The following KCNMB2 variants were observed in gnomAD, a reference collection of about 807,000 sequenced individuals.
The protein encoded by KCNMB2 is potassium calcium-activated channel subfamily M regulatory beta subunit 2.
KCNMB2 carries 9 observed loss-of-function variants against 24.5 expected under a neutral mutation model. That is an observed-to-expected ratio of 0.37 (90% CI 0.22 to 0.64). The LOEUF (loss-of-function observed/expected upper bound fraction) is 0.64. Ranked by LOEUF, KCNMB2 falls within the 30% of genes least tolerant of loss-of-function variation. The pLI, the probability that KCNMB2 is intolerant of heterozygous loss-of-function variation, is 0.63. For missense variants in KCNMB2, 226 were observed against 284.3 expected (o/e 0.79, Z 1.47); for synonymous variants, 109 against 104.4 (o/e 1.04, Z -0.27).
intron 1 of KCNMB2, among the ~76,000 whole-genome samples, chr3:178,608,643 C>T (rs1455754559): frequency 2.0e-5 from 3 of 151,992 alleles, no homozygotes; most frequent in African/African-American, 7.2e-5. Flanking sequence ...ATTTTTTGTA[C>T]CTATTTCCAC....
chr3:178,841,735 C>A (rs193042790), intron 4 of KCNMB2: 2 of 152,236 alleles, frequency 1.3e-5, no homozygotes, highest in Non-Finnish European at 2.9e-5. Context: ...GGAAACTGCC[C>A]CCATGATCCA....
In KCNMB2 at chr3:178,560,833, T is replaced by C. The variant is rs76084411; in HGVS notation, c.-68+24122T>C. ...GTCCCCAGATGTGGACACTAAGGCTTGACTACAGTTGCTTGCCCAAGATAA... is the reference window on the plus strand; with the variant it reads ...GTCCCCAGATGTGGACACTAAGGCTCGACTACAGTTGCTTGCCCAAGATAA... On this transcript the variant is annotated intron_variant, in intron 1 of 4. Coordinates refer to ENST00000452583, the MANE Select transcript of KCNMB2 (RefSeq NM_181361.3). Among the ~76,000 whole-genome samples, 862 of 152,362 alleles carry C rather than the reference T, an allele frequency of 5.7e-3. 11 individuals carry two copies. The highest frequency in any genetic ancestry group is 0.02 in the African/African-American group (827 of 41,586).
At chr3:178,731,739 A>G (rs947893721) in intron 1 of KCNMB2, among the ~76,000 whole-genome samples, 12 of 152,152 alleles carry the variant, frequency 7.9e-5, no homozygotes, top group African/African-American at 2.9e-4. Context: ...CCTTATCTCT[A>G]ATAAAAATAC....
At chr3:178,730,307 A>G (rs1402979577) in intron 1 of KCNMB2, among the ~76,000 whole-genome samples, 1 of 152,174 alleles carries the variant, frequency 6.6e-6, no homozygotes, top group Non-Finnish European at 1.5e-5. Flanking sequence ...CTAGATATTT[A>G]CGGTACTTGC....
chr3:178,567,498 C>A (rs1022354401), intron 1 of KCNMB2, among the ~76,000 whole-genome samples: 1 of 151,904 alleles, frequency 6.6e-6, no homozygotes, highest in African/African-American at 2.4e-5. Context: ...AAATCACTAA[C>A]AAACTTATTT....
chr3:178,676,735 A>G (rs2108589162), intron 1 of KCNMB2, among the ~76,000 whole-genome samples: 1 of 152,292 alleles, frequency 6.6e-6, no homozygotes, highest in African/African-American at 2.4e-5. Flanking sequence ...GACTTTAGGT[A>G]GCAGAGTCAA....
intron 1 of KCNMB2, among the ~76,000 whole-genome samples, chr3:178,715,860 A>G (rs2108353668): frequency 6.6e-6 from 1 of 152,274 alleles, no homozygotes; most frequent in Admixed American, 6.5e-5. Flanking sequence ...CCAGGAGACC[A>G]GGGCCCTGGG....
At chr3:178,575,509 A>C (rs1188432761) in intron 1 of KCNMB2, among the ~76,000 whole-genome samples, 1 of 152,250 alleles carries the variant, frequency 6.6e-6, no homozygotes, top group Non-Finnish European at 1.5e-5. Context: ...ATCTAGTGAT[A>C]GTCAGAACTG....
At chr3:178,649,803 T>TA (rs889220597) in intron 1 of KCNMB2, among the ~76,000 whole-genome samples, 7 of 135,370 alleles carry the variant, frequency 5.2e-5, no homozygotes, top group Admixed American at 7.6e-5. Context: ...GTTAATCATT[T>TA]AAAAAAAACA....
intron 1 of KCNMB2, among the ~76,000 whole-genome samples, chr3:178,758,636 C>CTCTCCAAGAGGATATATAAATATATA (rs1711501029): frequency 8.1e-5 from 1 of 12,350 alleles, no homozygotes; most frequent in Non-Finnish European, 1.4e-4. Context: ...ATATATCTCT[C>CTCTCCAAGAGGATATATAAATATATA]TCTCCAAGAG....
At chr3:178,664,141 A>G (rs1047506114) in intron 1 of KCNMB2, among the ~76,000 whole-genome samples, 4 of 152,158 alleles carry the variant, frequency 2.6e-5, no homozygotes, top group Admixed American at 1.3e-4. Context: ...ATCCTCATTC[A>G]GAGAAGTTTC....
At chr3:178,634,055 T>C (rs931594913) in intron 1 of KCNMB2, among the ~76,000 whole-genome samples, 2 of 152,186 alleles carry the variant, frequency 1.3e-5, no homozygotes, top group Non-Finnish European at 2.9e-5. Context: ...CATATCACTA[T>C]CACAATTCTG....
chr3:178,757,386 ATATATATG>A (rs1480626192), intron 1 of KCNMB2, among the ~76,000 whole-genome samples: 2 of 73,572 alleles, frequency 2.7e-5, no homozygotes, highest in African/African-American at 1.2e-4. Flanking sequence ...AAGAGGATAT[ATATATATG>A]TATATATATC....
chr3:178,567,383 T>C (rs1038229744), intron 1 of KCNMB2, among the ~76,000 whole-genome samples: 5 of 152,136 alleles, frequency 3.3e-5, no homozygotes, highest in Non-Finnish European at 5.9e-5. Flanking sequence ...GGAGATTAAG[T>C]AGACACATAT....
At chr3:178,619,359 C>T (rs1372534753) in intron 1 of KCNMB2, among the ~76,000 whole-genome samples, 1 of 152,054 alleles carries the variant, frequency 6.6e-6, no homozygotes, top group African/African-American at 2.4e-5. Context: ...CAGTTTTGAT[C>T]AAGGAAATAA....
intron 1 of KCNMB2, among the ~76,000 whole-genome samples, chr3:178,632,573 C>T (rs993899138): frequency 1.3e-5 from 2 of 152,124 alleles, no homozygotes; most frequent in African/African-American, 4.8e-5. Flanking sequence ...ATGGTGGTAA[C>T]TCCCCCTATG....
rs1270185527 is a variant in KCNMB2 at position 178,614,319 on chromosome 3, A to G, written c.-68+77608A>G. ...TATGTATGTATATATATGTATGTGT[A>G]TATATATATGTATGTATATATATAT... is the stretch of plus-strand genomic sequence containing the variant. On this transcript the variant is annotated intron_variant, in intron 1 of 4. Transcript: ENST00000452583. Among the ~76,000 whole-genome samples the G allele has an allele frequency of 1.6e-4, 20 of 122,966 alleles. No individual in the cohort carries two copies. In the South Asian group the frequency reaches 3.1e-3, roughly 19 times the overall value. 80.7% of individuals were successfully genotyped at this position (122,966 alleles called of 152,430 possible). A position where few individuals can be genotyped will look rare whatever the true frequency, so the allele number is the denominator to read the frequency against.
At chr3:178,689,219 AATG>A (rs1334275380) in intron 1 of KCNMB2, among the ~76,000 whole-genome samples, 1 of 152,200 alleles carries the variant, frequency 6.6e-6, no homozygotes, top group East Asian at 1.9e-4. Flanking sequence ...TTGACTTGAT[AATG>A]ATGAGCATCT....
intron 1 of KCNMB2, among the ~76,000 whole-genome samples, chr3:178,630,569 A>C (rs1196617928): frequency 6.6e-6 from 1 of 152,200 alleles, no homozygotes; most frequent in Non-Finnish European, 1.5e-5. Flanking sequence ...CTTTCTTGAA[A>C]ATGGTTGTGC....
Sources: allele counts gnomAD v4.1 joint callset (sites outside exome capture counted in the v4.1 genomes callset), GRCh38; gene constraint gnomAD v4.1.1; transcripts MANE v1.5; gene names NCBI Gene and HGNC (gene_info 2026-07-23, HGNC 2026-07-21).